ALCAM: variants seen among roughly 807,000 people sequenced by gnomAD.
ALCAM encodes the protein CD166 antigen.
Under a neutral mutation model 70.9 loss-of-function variants are expected in ALCAM, and 30 were observed. The ratio of observed to expected loss-of-function variants is 0.42; its 90% confidence interval spans 0.32 to 0.57. The LOEUF is 0.57. Among genes scored for constraint, ALCAM ranks in the 20% least tolerant of loss-of-function variants. The probability of loss-of-function intolerance (pLI) is 0.11; values close to 1 mark genes in which losing one functional copy is unlikely to be tolerated. For missense variants in ALCAM, 591 were observed against 695.1 expected (o/e 0.85, Z 1.68); for synonymous variants, 249 against 242.5 (o/e 1.03, Z -0.25).
intron 1 of ALCAM, among the ~76,000 whole-genome samples, chr3:105,442,640 G>T (rs1303082487): frequency 6.6e-6 from 1 of 151,846 alleles, no homozygotes; most frequent in Non-Finnish European, 1.5e-5. Context: ...AATTAGGCGG[G>T]CGTGGTGGCG....
chr3:105,392,436 A>G (rs1298672061), intron 1 of ALCAM, among the ~76,000 whole-genome samples: 1 of 150,136 alleles, frequency 6.7e-6, no homozygotes, highest in Non-Finnish European at 1.5e-5. Context: ...ATCATTTTTT[A>G]TTATGTCTGT....
chr3:105,384,579 T>C (rs753573759), intron 1 of ALCAM, among the ~76,000 whole-genome samples: 95 of 151,718 alleles, frequency 6.3e-4, no homozygotes, highest in Non-Finnish European at 1.0e-3. Context: ...CAAGCTGTCT[T>C]CTGAATTCTT....
intron 15 of ALCAM, among the ~76,000 whole-genome samples, chr3:105,574,114 C>T (rs1940914252): frequency 1.3e-5 from 2 of 151,852 alleles, no homozygotes; most frequent in Non-Finnish European, 2.9e-5. Flanking sequence ...CTGTTTTCTT[C>T]AAAATCGTAT....
intron 2 of ALCAM, among the ~76,000 whole-genome samples, chr3:105,522,465 G>GA (rs748124632): frequency 6.6e-6 from 1 of 152,088 alleles, no homozygotes; most frequent in Non-Finnish European, 1.5e-5. Context: ...AAAGACAAAG[G>GA]AAAGTTTTGG....
intron 1 of ALCAM, among the ~76,000 whole-genome samples, chr3:105,413,878 G>A (rs995633825): frequency 3.9e-5 from 6 of 152,212 alleles, no homozygotes; most frequent in Non-Finnish European, 5.9e-5. Context: ...TAAATAATTA[G>A]TTAGGCCTAA....
At chr3:105,443,940 A>G (rs1199412932) in intron 1 of ALCAM, among the ~76,000 whole-genome samples, 3 of 152,190 alleles carry the variant, frequency 2.0e-5, no homozygotes, top group Non-Finnish European at 4.4e-5. Flanking sequence ...AATGTTTCTT[A>G]TATGATAAAG....
chr3:105,451,126 T>A (rs1296498344), intron 1 of ALCAM, among the ~76,000 whole-genome samples: 3 of 151,858 alleles, frequency 2.0e-5, no homozygotes, highest in Non-Finnish European at 2.9e-5. Flanking sequence ...AATCTGAGCA[T>A]GGTGGTGCAA....
rs569715047 is a variant in ALCAM at position 105,390,269 on chromosome 3, A to AT, written c.73+22794dup. The stretch of plus-strand genomic sequence containing the variant: ...CATCTGCAGCATCTGTTGTTTCTTG[A>AT]TTTTTTAATAATCGCCATTCTGACT... On this transcript the variant is annotated intron_variant, in intron 1 of 15. Transcript: ENST00000306107. 1.3e-4 allele frequency among the ~76,000 whole-genome samples: 20 copies of AT among 152,030 alleles called. No individual in the cohort carries two copies. In the East Asian group the frequency reaches 3.9e-3, roughly 29 times the overall value.
chr3:105,401,876 A>T (rs1936098190), intron 1 of ALCAM, among the ~76,000 whole-genome samples: 1 of 152,188 alleles, frequency 6.6e-6, no homozygotes. Context: ...ATTGAGTCTA[A>T]CCACAGACAA....
At chr3:105,391,587 C>T (rs867922724) in intron 1 of ALCAM, among the ~76,000 whole-genome samples, 2 of 152,110 alleles carry the variant, frequency 1.3e-5, no homozygotes, top group South Asian at 4.2e-4. Context: ...ATTTCTTTCT[C>T]TTGCCTGATT....
intron 1 of ALCAM, among the ~76,000 whole-genome samples, chr3:105,414,673 A>G (rs1576147563): frequency 6.6e-6 from 1 of 152,102 alleles, no homozygotes; most frequent in Admixed American, 6.6e-5. Flanking sequence ...ATGTATGTGC[A>G]GTTATGTTTA....
At chr3:105,413,934 C>T (rs544841946) in intron 1 of ALCAM, among the ~76,000 whole-genome samples, 5 of 152,156 alleles carry the variant, frequency 3.3e-5, no homozygotes, top group Admixed American at 3.3e-4. Context: ...TATTTAGTTC[C>T]ATTTAGCAAA....
intron 1 of ALCAM, among the ~76,000 whole-genome samples, chr3:105,441,914 A>T (rs1937179181): frequency 1.3e-5 from 2 of 152,246 alleles, no homozygotes; most frequent in African/African-American, 2.4e-5. Flanking sequence ...CAATATATTC[A>T]TTCCAAGAGT....
chr3:105,368,723 A>G (rs1483249967), intron 1 of ALCAM, among the ~76,000 whole-genome samples: 2 of 152,026 alleles, frequency 1.3e-5, no homozygotes, highest in South Asian at 2.1e-4. Flanking sequence ...AAGAGATTAC[A>G]AGTGTTTGCG....
At chr3:105,491,957 G>A (rs80161677) in intron 1 of ALCAM, among the ~76,000 whole-genome samples, 2,005 of 152,104 alleles carry the variant, frequency 0.013, 33 homozygotes, top group African/African-American at 0.044. Flanking sequence ...CCCACTACCC[G>A]GTACCAATTT....
At chr3:105,469,758 T>C (rs1389775021) in intron 1 of ALCAM, among the ~76,000 whole-genome samples, 1 of 151,158 alleles carries the variant, frequency 6.6e-6, no homozygotes, top group African/African-American at 2.4e-5. Context: ...TATCACCTTC[T>C]GGAATATGTC....
At chr3:105,455,216 C>T (rs1034040650) in intron 1 of ALCAM, among the ~76,000 whole-genome samples, 5 of 151,422 alleles carry the variant, frequency 3.3e-5, no homozygotes, top group Admixed American at 6.6e-5. Context: ...CCGAGGCGGG[C>T]GGATCACGAG....
chr3:105,421,010 T>C (rs1467284723), intron 1 of ALCAM, among the ~76,000 whole-genome samples: 1 of 151,562 alleles, frequency 6.6e-6, no homozygotes, highest in Non-Finnish European at 1.5e-5. Flanking sequence ...CAACTTTTTT[T>C]AAGCATTGGT....
chr3:105,562,474 T>C lies in ALCAM; in HGVS notation c.1665-9378T>C, dbSNP rs117865304. On this transcript the variant is annotated intron_variant, in intron 14 of 15. Coordinates refer to ENST00000306107, the MANE Select transcript of ALCAM (RefSeq NM_001627.4). Reference sequence around the variant, plus strand: ...GAATGGTAAGCCAGTCTTGCATTCTTGAAATACATCTTAGTCTATTATGAT... The same window carrying C: ...GAATGGTAAGCCAGTCTTGCATTCTCGAAATACATCTTAGTCTATTATGAT... Among the ~76,000 whole-genome samples the C allele has an allele frequency of 2.2e-3, 336 of 152,316 alleles. 2 individuals are homozygous for C. In the East Asian group the frequency reaches 0.034, roughly 15 times the overall value.
Sources: allele counts gnomAD v4.1 joint callset (sites outside exome capture counted in the v4.1 genomes callset), GRCh38; gene constraint gnomAD v4.1.1; transcripts MANE v1.5; gene names NCBI Gene and HGNC (gene_info 2026-07-23, HGNC 2026-07-21).